Variants in TULP3 observed in about 807,000 individuals in gnomAD.
TULP3 encodes tubby-related protein 3.
TULP3 carries 38 observed loss-of-function variants against 50.7 expected under a neutral mutation model. The observed-to-expected ratio is 0.75, with a 90% CI of 0.58 to 0.98. The LOEUF is 0.98. Among genes scored for constraint, TULP3 ranks in the 50% least tolerant of loss-of-function variants. The pLI is 0.00. For missense variants in TULP3, 550 were observed against 568.0 expected (o/e 0.97, Z 0.32); for synonymous variants, 183 against 196.6 (o/e 0.93, Z 0.58).
At chr12:2,914,645 G>A (rs2098187568) in intron 2 of TULP3, among the ~76,000 whole-genome samples, 1 of 151,770 alleles carries the variant, frequency 6.6e-6, no homozygotes, top group Non-Finnish European at 1.5e-5. Flanking sequence ...ACTCTTTCTT[G>A]TTTTTGAGGA....
At position 2,938,213 on chromosome 12, in the gene TULP3, T is replaced by C; in HGVS notation, c.1123T>C (p.Tyr375His). ...APVWNSDTQS[Y>H]VLNFRGRVTQ... The stretch of plus-strand genomic sequence containing the variant: ...CGTCTGGAACAGTGACACTCAGTCC[T>C]ATGTCCTCAACTTCCGTGGCCGGGT... The change falls in exon 10 of 11, where the codon TAT (tyrosine) becomes CAT (histidine). Residue 375 changes from tyrosine to histidine, a missense_variant. Physicochemically the swap from Tyr to His is moderately conservative, Grantham distance 83 (BLOSUM62 2). Coordinates refer to ENST00000448120, the MANE Select transcript of TULP3 (RefSeq NM_003324.5). 6.2e-7 allele frequency: 1 copy of C among 1,614,196 alleles called. No homozygotes were observed. Among genetic ancestry groups the C allele is most frequent in the Non-Finnish European group, 8.5e-7 (1 of 1,180,028 alleles).
At chr12:2,930,768 T>C in intron 5 of TULP3, 1 of 544,216 alleles carries the variant, frequency 1.8e-6, no homozygotes, top group Non-Finnish European at 3.3e-6. Flanking sequence ...GAGTGAGGGT[T>C]CCTTCAGAAG....
intron 1 of TULP3, among the ~76,000 whole-genome samples, chr12:2,894,749 C>A (rs1262338961): frequency 6.6e-6 from 1 of 151,818 alleles, no homozygotes; most frequent in Non-Finnish European, 1.5e-5. Flanking sequence ...CAAAAATTAG[C>A]CAGTTATGGT....
intron 1 of TULP3, among the ~76,000 whole-genome samples, chr12:2,896,407 T>C (rs1034085579): frequency 3.9e-5 from 6 of 152,098 alleles, no homozygotes; most frequent in Admixed American, 2.6e-4. Context: ...AATGAACATA[T>C]TGAAATACCA....
chr12:2,916,138 T>C (rs562552135), intron 2 of TULP3, among the ~76,000 whole-genome samples: 1 of 152,300 alleles, frequency 6.6e-6, no homozygotes, highest in South Asian at 2.1e-4. Flanking sequence ...GCCTCCCAAG[T>C]AGCTGGATTT....
chr12:2,937,860 C>A lies in TULP3; in HGVS notation c.1023+131C>A, dbSNP rs565569061. On this transcript the variant is annotated intron_variant, in intron 9 of 10. Transcript: ENST00000448120. ...ACACTGGAGATAGCTCCATACACTTCTTTAGGAAAGCTGCCCCTCCAAAAC... is the reference window on the plus strand; with the variant it reads ...ACACTGGAGATAGCTCCATACACTTATTTAGGAAAGCTGCCCCTCCAAAAC... 4.1e-5 allele frequency: 37 copies of A among 902,012 alleles called. No homozygotes were observed. In the East Asian group the frequency reaches 6.7e-4, roughly 16 times the overall value. The allele number at this position is 902,012 out of a possible 1,614,324, so 55.9% of individuals were successfully genotyped here.
chr12:2,937,963 T>C (rs2098202436), intron 9 of TULP3, 151 bp from the exon 10 acceptor site: 6 of 953,650 alleles, frequency 6.3e-6, no homozygotes, highest in Non-Finnish European at 9.3e-6. Flanking sequence ...TGATGTAGAA[T>C]AATTTTAAAA....
rs2098204376 is a variant in TULP3, at chr12:2,940,801, A to G, written c.*1357A>G. 1 of 1,339,544 alleles carries G rather than the reference A, an allele frequency of 7.5e-7. No homozygotes were observed. The highest frequency in any genetic ancestry group is 1.5e-5 in the African/African-American group (1 of 68,224). The allele number at this position is 1,339,544 out of a possible 1,614,324, so 83.0% of individuals were successfully genotyped here. The stretch of plus-strand genomic sequence containing the variant: ...AAGTCCCACCTGCTGGGTGAGGACG[A>G]GACTGTTTCCATCTCAGGCATGTAT... On this transcript the variant is annotated 3_prime_UTR_variant, in exon 11 of 11. Transcript: ENST00000448120.
intron 8 of TULP3, among the ~76,000 whole-genome samples, chr12:2,935,061 C>T (rs147734234): frequency 6.6e-6 from 1 of 152,278 alleles, no homozygotes; most frequent in East Asian, 1.9e-4. Context: ...TCTCTGCTGC[C>T]ACCAAATGAA....
intron 1 of TULP3, among the ~76,000 whole-genome samples, chr12:2,895,143 A>G (rs1806471267): frequency 6.6e-6 from 1 of 152,190 alleles, no homozygotes; most frequent in African/African-American, 2.4e-5. Context: ...GCTGTGTGGT[A>G]CTTGCAAAAT....
At chr12:2,891,191 C>G (rs770115991) in intron 1 of TULP3, among the ~76,000 whole-genome samples, 6 of 152,174 alleles carry the variant, frequency 3.9e-5, no homozygotes, top group Non-Finnish European at 8.8e-5. Context: ...AGCGGCGGCA[C>G]TACATCCCGC....
At position 2,910,329 on chromosome 12, in the gene TULP3, C is replaced by T. The variant is rs780675266; in HGVS notation, c.93+749C>T. On this transcript the variant is annotated intron_variant, in intron 2 of 10. Transcript: ENST00000448120. ...GAGAATAATTTTCTTCACAGAGCTG[C>T]TGGCACATTTAGTTTGTTTTCTCCA... 5.6e-4 allele frequency among the ~76,000 whole-genome samples: 85 copies of T among 152,106 alleles called. 1 individual carries two copies. Among genetic ancestry groups the T allele is most frequent in the African/African-American group, 2.2e-4 (9 of 41,432 alleles).
At chr12:2,929,452 G>T (rs1397905856) in intron 4 of TULP3, among the ~76,000 whole-genome samples, 2 of 152,162 alleles carry the variant, frequency 1.3e-5, no homozygotes, top group Non-Finnish European at 2.9e-5. Flanking sequence ...CAGACACACA[G>T]GTACCATCGT....
At chr12:2,902,832 A>G (rs1284841688) in intron 1 of TULP3, among the ~76,000 whole-genome samples, 5 of 151,656 alleles carry the variant, frequency 3.3e-5, no homozygotes, top group Non-Finnish European at 7.4e-5. Flanking sequence ...CTGTGTGAGC[A>G]TAATTTAGGT....
intron 7 of TULP3, 151 bp downstream of exon 7, chr12:2,933,681 T>C (rs1591538039): frequency 8.1e-6 from 4 of 496,792 alleles, no homozygotes; most frequent in Non-Finnish European, 1.4e-5. Context: ...CTGGGCGCAG[T>C]GGCTCACACC....
chr12:2,899,411 A>G (rs1004216127), intron 1 of TULP3, among the ~76,000 whole-genome samples: 14 of 151,800 alleles, frequency 9.2e-5, no homozygotes, highest in Non-Finnish European at 1.3e-4. Context: ...AACTGACGGC[A>G]GGCCAGATTT....
intron 8 of TULP3, among the ~76,000 whole-genome samples, chr12:2,936,580 A>G (rs1330166785): frequency 1.1e-4 from 10 of 90,634 alleles, no homozygotes; most frequent in Admixed American, 4.2e-4. Flanking sequence ...CGTCTCGACT[A>G]AAAAAAAAAA....
At chr12:2,912,631 ATTGGTTTGTATTAGCCAGTCTC>A (rs1395846873) in intron 2 of TULP3, among the ~76,000 whole-genome samples, 1 of 152,150 alleles carries the variant, frequency 6.6e-6, no homozygotes, top group Non-Finnish European at 1.5e-5. Context: ...TCTCCCGAGG[ATTGGTTTGTATTAGCCAGTCTC>A]GTAAGTGATG....
intron 2 of TULP3, among the ~76,000 whole-genome samples, chr12:2,913,965 C>T (rs181929909): frequency 9.9e-5 from 15 of 152,176 alleles, no homozygotes; most frequent in Non-Finnish European, 8.8e-5. Flanking sequence ...ATGGGGTACA[C>T]ATGATATTTG....
Sources: gnomAD v4.1 joint callset for allele counts (sites outside exome capture counted in the v4.1 genomes callset) on GRCh38, gnomAD v4.1.1 for gene constraint, MANE v1.5 for transcripts, NCBI Gene and HGNC (gene_info 2026-07-23, HGNC 2026-07-21) for gene names.